The following MAPKAP1 variants were observed in gnomAD, a reference collection of about 807,000 sequenced individuals.
MAPKAP1 encodes the protein target of rapamycin complex 2 subunit MAPKAP1.
MAPKAP1 carries 20 observed loss-of-function variants against 65.7 expected under a neutral mutation model. The ratio of observed to expected loss-of-function variants is 0.30; its 90% confidence interval spans 0.21 to 0.44. MAPKAP1 has a LOEUF of 0.44. Ranked by LOEUF, MAPKAP1 falls within the 20% of genes least tolerant of loss-of-function variation. The pLI is 1.00. For missense variants in MAPKAP1, 423 were observed against 648.0 expected (o/e 0.65, Z 3.77); for synonymous variants, 222 against 244.3 (o/e 0.91, Z 0.85).
In MAPKAP1 at chr9:125,646,958, A is replaced by G. The variant is rs148076726; in HGVS notation, c.498+10693T>C. Among the ~76,000 whole-genome samples the G allele has an allele frequency of 5.9e-3, 898 of 152,342 alleles. 8 individuals are homozygous for G. Among genetic ancestry groups the G allele is most frequent in the Non-Finnish European group, 8.5e-3 (576 of 68,038 alleles). On this transcript the variant is annotated intron_variant, in intron 4 of 11. Transcript: ENST00000265960. ...TTGATTACTATAACCATACTTTTTA[A>G]CTGCTGTCAGGAAAGACAGCGCCTT...
chr9:125,564,643 A>T (rs1830993957), intron 5 of MAPKAP1, among the ~76,000 whole-genome samples: 1 of 152,040 alleles, frequency 6.6e-6, no homozygotes, highest in Non-Finnish European at 1.5e-5. Context: ...GGAATTATGA[A>T]GGAAGTAACC....
At chr9:125,609,650 G>A (rs1371393444) in intron 4 of MAPKAP1, among the ~76,000 whole-genome samples, 1 of 152,118 alleles carries the variant, frequency 6.6e-6, no homozygotes, top group Non-Finnish European at 1.5e-5. Flanking sequence ...GGCCTGCCAA[G>A]CTTCATCCTG....
chr9:125,511,164 CCATCATCATCATCAT>C lies in MAPKAP1; in HGVS notation c.959-4762_959-4748del, dbSNP rs3051230. ...ATTTAAGTATCAGCTATCATCATCA[CCATCATCATCATCAT>C]CATCATCATCATCATCATCATCATC... is the stretch of plus-strand genomic sequence containing the variant. On this transcript the variant is annotated intron_variant, in intron 7 of 11. Transcript: ENST00000265960. Among the ~76,000 whole-genome samples, 6 of 147,068 alleles carry C rather than the reference CCATCATCATCATCAT, an allele frequency of 4.1e-5. No individual in the cohort carries two copies. In the South Asian group the frequency reaches 6.7e-4, roughly 16 times the overall value.
At chr9:125,560,087 C>T (rs186725862) in intron 5 of MAPKAP1, among the ~76,000 whole-genome samples, 66 of 152,268 alleles carry the variant, frequency 4.3e-4, no homozygotes, top group South Asian at 3.1e-3. Flanking sequence ...AACCTAACCT[C>T]TTAGATCAAA....
rs1397546461 is a variant in MAPKAP1, at chr9:125,439,065, C to T, written c.1444-53G>A. 6.2e-7 allele frequency: 1 copy of T among 1,600,098 alleles called. No individual in the cohort carries two copies. Among genetic ancestry groups the T allele is most frequent in the Admixed American group, 1.7e-5 (1 of 59,356 alleles). On this transcript the variant is annotated intron_variant, in intron 11 of 11. Transcript: ENST00000265960. The surrounding 1 kb of genome is among the most constrained non-coding windows in gnomAD (Gnocchi z 4.0). The stretch of plus-strand genomic sequence containing the variant: ...ACCTTGCCAGCCGCTCCCTACCCAC[C>T]CAGGGCATCGGAGGGGGTGGCAGGG...
chr9:125,506,543 G>T, intron 7 of MAPKAP1, 126 bp from the exon 8 acceptor site: 1 of 751,986 alleles, frequency 1.3e-6, no homozygotes, highest in Non-Finnish European at 2.2e-6. Flanking sequence ...TGTCTTGAGG[G>T]TCTAGCTATC....
At chr9:125,542,545 G>A (rs569408) in intron 7 of MAPKAP1, among the ~76,000 whole-genome samples, 75,018 of 151,898 alleles carry the variant, frequency 0.49, 19,126 homozygotes, top group East Asian at 0.67. Context: ...TGGGTAATGA[G>A]GAGTTAAGTT....
chr9:125,633,278 T>C (rs527777318), intron 4 of MAPKAP1, among the ~76,000 whole-genome samples: 36 of 152,250 alleles, frequency 2.4e-4, no homozygotes, highest in Non-Finnish European at 4.3e-4. Flanking sequence ...GCAAGGCTGA[T>C]TGTGGATAAC....
At chr9:125,673,431 G>T (rs1447004972) in intron 1 of MAPKAP1, among the ~76,000 whole-genome samples, 1 of 152,080 alleles carries the variant, frequency 6.6e-6, no homozygotes, top group Non-Finnish European at 1.5e-5. Context: ...TCTCCATGTT[G>T]GTCAGGCTGG....
chr9:125,698,287 AAATATAT>A (rs1298862380), intron 1 of MAPKAP1, among the ~76,000 whole-genome samples: 303 of 27,096 alleles, frequency 0.011, 11 homozygotes, highest in African/African-American at 0.043. Flanking sequence ...TAATATATAT[AAATATAT>A]ATATATATAT....
chr9:125,689,490 T>C (rs1835098762), intron 1 of MAPKAP1, among the ~76,000 whole-genome samples: 1 of 123,470 alleles, frequency 8.1e-6, no homozygotes, highest in Non-Finnish European at 1.6e-5. Context: ...CTCACGCCTA[T>C]AATCCCTGCA....
intron 4 of MAPKAP1, among the ~76,000 whole-genome samples, chr9:125,628,888 G>GAAC (rs1564591458): frequency 8.3e-6 from 1 of 120,896 alleles, no homozygotes; most frequent in Non-Finnish European, 2.0e-5. Context: ...ACAACAACAA[G>GAAC]AACAACAACA....
At chr9:125,517,487 T>C (rs1829496770) in intron 7 of MAPKAP1, among the ~76,000 whole-genome samples, 1 of 152,366 alleles carries the variant, frequency 6.6e-6, no homozygotes, top group South Asian at 2.1e-4. Flanking sequence ...ACTATACCCA[T>C]TTCTAGTCTT....
At position 125,438,646 on chromosome 9, in the gene MAPKAP1, C is replaced by G. The variant is rs1192900713; in HGVS notation, c.*241G>C. 3.9e-6 allele frequency: 2 copies of G among 513,196 alleles called. No individual in the cohort carries two copies. The highest frequency in any genetic ancestry group is 3.9e-5 in the African/African-American group (2 of 51,640). 31.8% of individuals were successfully genotyped at this position (513,196 alleles called of 1,614,324 possible). A position where few individuals can be genotyped will look rare whatever the true frequency, so the allele number is the denominator to read the frequency against. ...GCACGTGGCTCCTCTAGGGGGTGGT[C>G]TGACCCCCAAGCATCGCTTATCAAA... is the stretch of plus-strand genomic sequence containing the variant. On this transcript the variant is annotated 3_prime_UTR_variant, in exon 12 of 12. Transcript: ENST00000265960.
intron 4 of MAPKAP1, among the ~76,000 whole-genome samples, chr9:125,625,957 A>G (rs1424242107): frequency 1.3e-5 from 2 of 152,262 alleles, no homozygotes; most frequent in South Asian, 2.1e-4. Flanking sequence ...AAGAAAGCAC[A>G]TAAGAAAAAA....
chr9:125,519,652 T>TTATATATA (rs146480033), intron 7 of MAPKAP1, among the ~76,000 whole-genome samples: 5,978 of 141,568 alleles, frequency 0.042, 167 homozygotes, highest in South Asian at 0.062. Context: ...TATATGTCTT[T>TTATATATA]TATATATATA....
At chr9:125,693,753 A>ATATATACACG (rs1340410104) in intron 1 of MAPKAP1, among the ~76,000 whole-genome samples, 1 of 147,266 alleles carries the variant, frequency 6.8e-6, no homozygotes, top group Non-Finnish European at 1.5e-5. Flanking sequence ...ATATATACAC[A>ATATATACACG]TATATACACG....
intron 4 of MAPKAP1, among the ~76,000 whole-genome samples, chr9:125,627,844 TTGGA>T (rs200824785): frequency 0.026 from 3,925 of 152,314 alleles, 78 homozygotes; most frequent in South Asian, 0.058. Context: ...TCATAGGCTG[TTGGA>T]GCCAGAAGAG....
chr9:125,501,172 A>C (rs967517235), intron 8 of MAPKAP1, among the ~76,000 whole-genome samples: 5 of 152,362 alleles, frequency 3.3e-5, no homozygotes, highest in Non-Finnish European at 5.9e-5. Flanking sequence ...AAACTCTGGA[A>C]CGAACAAATA....
Sources: gnomAD v4.1 joint callset for allele counts (sites outside exome capture counted in the v4.1 genomes callset) on GRCh38, gnomAD v4.1.1 for gene constraint, Gnocchi (gnomAD v3.1) non-coding constraint, MANE v1.5 for transcripts, NCBI Gene and HGNC (gene_info 2026-07-23, HGNC 2026-07-21) for gene names.